CSNK1E: variants seen among roughly 807,000 people sequenced by gnomAD.
The protein encoded by CSNK1E is casein kinase 1 epsilon, also known as casein kinase I isoform epsilon.
CSNK1E carries 17 observed loss-of-function variants against 46.1 expected under a neutral mutation model. That is an observed-to-expected ratio of 0.37 (90% confidence interval 0.25 to 0.55). The LOEUF (loss-of-function observed/expected upper bound fraction) is 0.55, where lower values mean the gene tolerates loss of function less well. CSNK1E is among the 20% of genes least tolerant of loss of function. CSNK1E has a pLI of 0.82. For missense variants in CSNK1E, 386 were observed against 595.4 expected (o/e 0.65, Z 3.66); for synonymous variants, 241 against 242.6 (o/e 0.99, Z 0.06).
In CSNK1E at chr22:38,300,276, A is replaced by C. The variant is rs1010000104; in HGVS notation, c.566-211T>G. ...GGCCTTCTCAACTTAATTTGGGCCTAGTTTTTCCAGTTCAGGCACTTAATC... is the reference window on the plus strand; with the variant it reads ...GGCCTTCTCAACTTAATTTGGGCCTCGTTTTTCCAGTTCAGGCACTTAATC... On this transcript the variant is annotated intron_variant, in intron 5 of 10. Coordinates refer to ENST00000396832, the MANE Select transcript of CSNK1E (RefSeq NM_152221.3). The surrounding 1 kb of genome is among the most constrained non-coding windows in gnomAD (Gnocchi z 4.4). Among the ~76,000 whole-genome samples the C allele has an allele frequency of 6.6e-6, 1 of 152,216 alleles. No individual in the cohort carries two copies. The highest frequency in any genetic ancestry group is 6.5e-5 in the Admixed American group (1 of 15,286).
chr22:38,309,982 G>C lies in CSNK1E; in HGVS notation c.76+4100C>G. On this transcript the variant is annotated intron_variant, in intron 2 of 10. Transcript: ENST00000396832. This position sits in a 1 kb window ranked among gnomAD's most constrained non-coding sequence, Gnocchi z 4.8. ...AGGAAGCCGCCAGGCTTTTCTCTGAGCTCCCTTAATTCTTACAACCGCTAA... is the reference window on the plus strand; with the variant it reads ...AGGAAGCCGCCAGGCTTTTCTCTGACCTCCCTTAATTCTTACAACCGCTAA... 6.6e-6 allele frequency among the ~76,000 whole-genome samples: 1 copy of C among 152,182 alleles called. No homozygotes were observed. Among genetic ancestry groups the C allele is most frequent in the South Asian group, 2.1e-4 (1 of 4,836 alleles).
At chr22:38,295,343 G>A (rs2092634651) in intron 7 of CSNK1E, 1 of 846,250 alleles carries the variant, frequency 1.2e-6, no homozygotes, top group South Asian at 5.4e-5. Flanking sequence ...AGTGAGAAGG[G>A]GCCAGAGAAG....
At chr22:38,296,515 G>A in intron 7 of CSNK1E, 1 of 1,590,046 alleles carries the variant, frequency 6.3e-7, no homozygotes. Flanking sequence ...TCTGCCAGGG[G>A]ACTGCTGGAG....
chr22:38,316,695 G>T (rs1045769206), intron 1 of CSNK1E: 1 of 152,268 alleles, frequency 6.6e-6, no homozygotes, highest in African/African-American at 2.4e-5. Context: ...GTCATCCAAC[G>T]AGCGGGCGCA....
chr22:38,295,127 C>T (rs1177119815), intron 7 of CSNK1E, among the ~76,000 whole-genome samples: 1 of 152,186 alleles, frequency 6.6e-6, no homozygotes, highest in East Asian at 1.9e-4. Context: ...CTGGCAGGTG[C>T]AGTGGAGGCC....
Position 38,303,080 on chromosome 22 carries a change from G to T in CSNK1E, c.187+58C>A. On this transcript the variant is annotated intron_variant, in intron 3 of 10. Coordinates refer to ENST00000396832, the MANE Select transcript of CSNK1E (RefSeq NM_152221.3). The surrounding 1 kb of genome is among the most constrained non-coding windows in gnomAD (Gnocchi z 4.7). Reference sequence around the variant, plus strand: ...GCCAGCCACGCCCGGCCCACCCTGTGCTCATGGCTGCCCACCGCCACCCAC... The same window carrying T: ...GCCAGCCACGCCCGGCCCACCCTGTTCTCATGGCTGCCCACCGCCACCCAC... The T allele has an allele frequency of 6.2e-7, 1 of 1,600,264 alleles. No individual in the cohort carries two copies. Among genetic ancestry groups the T allele is most frequent in the South Asian group, 1.1e-5 (1 of 90,172 alleles).
At chr22:38,293,222 G>C in intron 10 of CSNK1E, 33 bp downstream of exon 10, 2 of 1,582,148 alleles carry the variant, frequency 1.3e-6, no homozygotes, top group South Asian at 1.1e-5. Context: ...AGGTCGGCTG[G>C]GCTGGCTGCA....
chr22:38,317,896 A>AAC (rs1401325340), upstream of CSNK1E: 2 of 152,236 alleles, frequency 1.3e-5, no homozygotes. Flanking sequence ...TGCCGCAGAG[A>AAC]ACACAGGCCA....
chr22:38,302,571 C>T (rs2092678394), intron 4 of CSNK1E, among the ~76,000 whole-genome samples: 1 of 152,262 alleles, frequency 6.6e-6, no homozygotes, highest in African/African-American at 2.4e-5. Flanking sequence ...ATTAGCCCAG[C>T]GTGGTGGCAG....
Position 38,298,688 on chromosome 22 carries a change from G to A in CSNK1E, c.885+98C>T. The A allele has an allele frequency of 7.0e-7, 1 of 1,420,976 alleles. No homozygotes were observed. The highest frequency in any genetic ancestry group is 1.2e-5 in the South Asian group (1 of 84,024). 88.0% of individuals were successfully genotyped at this position (1,420,976 alleles called of 1,614,324 possible). A position where few individuals can be genotyped will look rare whatever the true frequency, so the allele number is the denominator to read the frequency against. ...ACTGTCCAGCTCGTACCTCCCGTCT[G>A]TCGGGAGCCCCTCCCGCCACCAGCT... is the stretch of plus-strand genomic sequence containing the variant. On this transcript the variant is annotated intron_variant, in intron 7 of 10. Transcript: ENST00000396832. The surrounding 1 kb of genome is among the most constrained non-coding windows in gnomAD (Gnocchi z 4.2).
chr22:38,309,871 G>A lies in CSNK1E; in HGVS notation c.76+4211C>T, dbSNP rs1188613463. On this transcript the variant is annotated intron_variant, in intron 2 of 10. Coordinates refer to ENST00000396832, the MANE Select transcript of CSNK1E (RefSeq NM_152221.3). This position sits in a 1 kb window ranked among gnomAD's most constrained non-coding sequence, Gnocchi z 4.8. ...CTGCTAGGCAAAGCCTCTGACCCCC[G>A]CAAGTGCTGGAAACCTGCCAGAGCT... Among the ~76,000 whole-genome samples the A allele has an allele frequency of 2.6e-5, 4 of 152,186 alleles. No individual in the cohort carries two copies. The highest frequency in any genetic ancestry group is 7.2e-5 in the African/African-American group (3 of 41,438).
intron 7 of CSNK1E, chr22:38,295,531 G>C (rs1437777557): frequency 5.0e-6 from 1 of 199,620 alleles, no homozygotes; most frequent in Admixed American, 6.5e-5. Context: ...TCTCTCCCAG[G>C]AGACTGGCCA....
chr22:38,312,828 G>T (rs531757739), intron 2 of CSNK1E, among the ~76,000 whole-genome samples: 1 of 152,292 alleles, frequency 6.6e-6, no homozygotes, highest in South Asian at 2.1e-4. Flanking sequence ...ACAAAGCCAC[G>T]TCTAGAACGC....
At chr22:38,293,888 G>C in intron 9 of CSNK1E, 1 of 569,074 alleles carries the variant, frequency 1.8e-6, no homozygotes, top group Non-Finnish European at 3.0e-6. Flanking sequence ...CACTTGCCAG[G>C]GAATGTTACT....
At position 38,294,318 on chromosome 22, in the gene CSNK1E, C is replaced by A; in HGVS notation, c.1078+24G>T. ...AGCCCCCCACCCACCCTGAACCCAG[C>A]CCACTGCCTGAGTCCCTGCTCACCA... On this transcript the variant is annotated intron_variant, in intron 8 of 10. Coordinates refer to ENST00000396832, the MANE Select transcript of CSNK1E (RefSeq NM_152221.3). The surrounding 1 kb of genome is among the most constrained non-coding windows in gnomAD (Gnocchi z 5.5). 3 of 1,586,916 alleles carry A rather than the reference C, an allele frequency of 1.9e-6. No individual in the cohort carries two copies. The highest frequency in any genetic ancestry group is 1.1e-5 in the South Asian group (1 of 88,226).
Position 38,302,746 on chromosome 22 carries a change from T to C in CSNK1E, c.336+115A>G, listed in dbSNP as rs983319735. On this transcript the variant is annotated intron_variant, in intron 4 of 10. Transcript: ENST00000396832. ...TAAACACCTACAATTCTATAGCCAG[T>C]GGACAAGGTCCCCTGGCCCAGGCCC... 14 of 1,201,532 alleles carry C rather than the reference T, an allele frequency of 1.2e-5. No homozygotes were observed. The African/African-American group carries it at 1.8e-4, about 16-fold the overall frequency. The allele number at this position is 1,201,532 out of a possible 1,614,324, so 74.4% of individuals were successfully genotyped here.
At chr22:38,304,894 C>T (rs1007536479) in intron 2 of CSNK1E, among the ~76,000 whole-genome samples, 3 of 152,094 alleles carry the variant, frequency 2.0e-5, no homozygotes, top group Admixed American at 1.3e-4. Context: ...GAGGCTGAGG[C>T]GGGTGGATCA....
intron 2 of CSNK1E, among the ~76,000 whole-genome samples, chr22:38,305,316 C>G (rs1226967966): frequency 6.6e-6 from 1 of 151,660 alleles, no homozygotes; most frequent in Non-Finnish European, 1.5e-5. Context: ...TTTGCATCCA[C>G]TCAACGTTTA....
intron 2 of CSNK1E, among the ~76,000 whole-genome samples, chr22:38,311,784 AC>A (rs1400750082): frequency 6.6e-6 from 1 of 151,204 alleles, no homozygotes; most frequent in Non-Finnish European, 1.5e-5. Flanking sequence ...ACTGGCCCCC[AC>A]ATCTCAGCCC....
Sources: allele counts gnomAD v4.1 joint callset (sites outside exome capture counted in the v4.1 genomes callset), GRCh38; gene constraint gnomAD v4.1.1; non-coding constraint Gnocchi (gnomAD v3.1); transcripts MANE v1.5; gene names NCBI Gene and HGNC (gene_info 2026-07-23, HGNC 2026-07-21).